PCDHGA6: variants seen among roughly 807,000 people sequenced by gnomAD.
PCDHGA6 encodes protocadherin gamma-A6.
PCDHGA6 carries 41 observed loss-of-function variants against 60.6 expected under a neutral mutation model. The observed-to-expected ratio is 0.68, with a 90% CI of 0.53 to 0.88. The LOEUF is 0.88. Ranked by LOEUF, PCDHGA6 falls within the 40% of genes least tolerant of loss-of-function variation. PCDHGA6 has a pLI of 0.00. For missense variants in PCDHGA6, 1,312 were observed against 1,203.0 expected (o/e 1.09, Z -1.34); for synonymous variants, 594 against 524.4 (o/e 1.13, Z -1.81).
intron 1 of PCDHGA6, chr5:141,427,798 T>C: frequency 6.6e-7 from 1 of 1,506,550 alleles, no homozygotes; most frequent in South Asian, 1.1e-5. Flanking sequence ...TACGTGTCCG[T>C]GAGCGCACAG....
chr5:141,506,266 T>A (rs1397052417), intron 3 of PCDHGA6, among the ~76,000 whole-genome samples: 1 of 151,862 alleles, frequency 6.6e-6, no homozygotes, highest in Non-Finnish European at 1.5e-5. Context: ...CTGGCCAACA[T>A]AGTGAAACCC....
At position 141,477,742 on chromosome 5, in the gene PCDHGA6, G is replaced by C; in HGVS notation, c.2425-17065G>C. 2 of 1,613,800 alleles carry C rather than the reference G, an allele frequency of 1.2e-6. No individual in the cohort carries two copies. Among genetic ancestry groups the C allele is most frequent in the Non-Finnish European group, 1.7e-6 (2 of 1,180,030 alleles). ...AATTAACAGCTCATATCAGCGATGG[G>C]GGCACCCCGGTCCTAGCCACCAACA... On this transcript the variant is annotated intron_variant, in intron 1 of 3. Coordinates refer to ENST00000517434, the MANE Select transcript of PCDHGA6 (RefSeq NM_018919.3). The surrounding 1 kb of genome is among the most constrained non-coding windows in gnomAD (Gnocchi z 4.9).
At chr5:141,437,047 G>C (rs2097860477) in intron 1 of PCDHGA6, among the ~76,000 whole-genome samples, 1 of 152,214 alleles carries the variant, frequency 6.6e-6, no homozygotes, top group Admixed American at 6.5e-5. Context: ...AAACCAGAAG[G>C]CTGGTGATCA....
rs367939205 is a variant in PCDHGA6 at position 141,383,529 on chromosome 5, G to A, written c.2424+7022G>A. ...GGGAGGAAGAGCGGGTTCACCACCT[G>A]GTCCTCACAGCCTCTGATGGCGGCG... On this transcript the variant is annotated intron_variant, in intron 1 of 3. Transcript: ENST00000517434. The A allele has an allele frequency of 3.0e-5, 48 of 1,612,474 alleles. No homozygotes were observed. The African/African-American group carries it at 5.7e-4, about 19-fold the overall frequency.
chr5:141,420,251 G>A lies in PCDHGA6; in HGVS notation c.2424+43744G>A, dbSNP rs778777293. ...TAGCATTTTAACTCCCAGCGTTGAA[G>A]CAGATAAGAAGATTCTTAAACAGGT... is the stretch of plus-strand genomic sequence containing the variant. On this transcript the variant is annotated intron_variant, in intron 1 of 3. Transcript: ENST00000517434. The A allele has an allele frequency of 2.9e-5, 46 of 1,578,746 alleles. No homozygotes were observed. In the South Asian group the frequency reaches 4.5e-4, roughly 15 times the overall value.
chr5:141,509,602 C>T (rs921950654), intron 3 of PCDHGA6, among the ~76,000 whole-genome samples: 8 of 152,194 alleles, frequency 5.3e-5, no homozygotes, highest in Non-Finnish European at 8.8e-5. Context: ...TTCCGAGAGG[C>T]TGCATTCTAA....
intron 1 of PCDHGA6, chr5:141,405,178 T>C (rs769150671): frequency 3.1e-6 from 5 of 1,613,890 alleles, no homozygotes; most frequent in African/African-American, 2.7e-5. Flanking sequence ...ACTTTGTGGG[T>C]GTAGATGGGG....
In PCDHGA6 at chr5:141,476,584, C is replaced by G. The variant is rs140544807; in HGVS notation, c.2425-18223C>G. ...TGGCTCCGGGGACGCGCTTTCCGCTCGAGAGCGCGCACGATCCCGATGTGG... is the reference window on the plus strand; with the variant it reads ...TGGCTCCGGGGACGCGCTTTCCGCTGGAGAGCGCGCACGATCCCGATGTGG... On this transcript the variant is annotated intron_variant, in intron 1 of 3. Coordinates refer to ENST00000517434, the MANE Select transcript of PCDHGA6 (RefSeq NM_018919.3). This position sits in a 1 kb window ranked among gnomAD's most constrained non-coding sequence, Gnocchi z 7.6. 1.2e-5 allele frequency: 19 copies of G among 1,614,100 alleles called. No homozygotes were observed. The African/African-American group carries it at 2.3e-4, about 19-fold the overall frequency.
At chr5:141,420,228 G>C (rs750839002) in intron 1 of PCDHGA6, 3 of 1,603,310 alleles carry the variant, frequency 1.9e-6, no homozygotes, top group Non-Finnish European at 2.6e-6. Flanking sequence ...CTACTGGCTA[G>C]CATTTTAACT....
chr5:141,510,984 C>G lies in PCDHGA6; in HGVS notation c.2610C>G (p.Ala870=). ...ADGSSTLGGG[A]GTMGLSARYG... ...GGAGCTCCACCCTGGGAGGGGGTGC[C>G]GGCACCATGGGATTGAGCGCCCGCT... The change falls in exon 4 of 4, where the codon GCC becomes GCG. Residue 870 remains alanine (A), a synonymous_variant. Transcript: ENST00000517434. The G allele has an allele frequency of 1.2e-6, 2 of 1,614,162 alleles. No homozygotes were observed. The highest frequency in any genetic ancestry group is 1.7e-6 in the Non-Finnish European group (2 of 1,180,012).
In PCDHGA6 at chr5:141,512,739, T is replaced by C. The variant is rs1251649814; in HGVS notation, c.*1566T>C. The stretch of plus-strand genomic sequence containing the variant: ...GGCGGGTGGGCAGCGGGCGGCGGGC[T>C]CCGCGCAGCCGTCTGTCCTTGATCT... On this transcript the variant is annotated 3_prime_UTR_variant, in exon 4 of 4. Transcript: ENST00000517434. 1 of 152,822 alleles carries C rather than the reference T, an allele frequency of 6.5e-6. No individual in the cohort carries two copies. The highest frequency in any genetic ancestry group is 2.4e-5 in the African/African-American group (1 of 41,464). 9.5% of individuals were successfully genotyped at this position (152,822 alleles called of 1,614,324 possible).
chr5:141,408,673 C>T (rs1397679515), intron 1 of PCDHGA6: 3 of 1,613,854 alleles, frequency 1.9e-6, no homozygotes, highest in Non-Finnish European at 2.5e-6. Flanking sequence ...TTGACCCTGC[C>T]ACGGATCCTG....
chr5:141,446,634 G>A (rs927873152), intron 1 of PCDHGA6, among the ~76,000 whole-genome samples: 6 of 151,928 alleles, frequency 3.9e-5, no homozygotes, highest in Admixed American at 2.6e-4. Context: ...GCACCACCAC[G>A]CCTGGCTAAT....
chr5:141,393,186 G>C, intron 1 of PCDHGA6: 2 of 1,613,306 alleles, frequency 1.2e-6, no homozygotes, highest in East Asian at 4.5e-5. Context: ...AGAAATAATT[G>C]ATATTAACGA....
At position 141,494,820 on chromosome 5, in the gene PCDHGA6, A is replaced by G; in HGVS notation, c.2438A>G (p.Asn813Ser). ...TTTTCTCCACAGCAAGCCCCGCCCA[A>G]CACGGACTGGCGTTTCTCTCAGGCC... ...EPRQLQQAPP[N>S]TDWRFSQAQR... Residue 813 changes from asparagine to serine, a missense_variant, in exon 2 of 4, where the codon AAC becomes AGC. By Grantham distance (46) the Asn-to-Ser change is conservative. Transcript: ENST00000517434. 1.2e-6 allele frequency: 2 copies of G among 1,613,988 alleles called. No individual in the cohort carries two copies. Among genetic ancestry groups the G allele is most frequent in the Middle Eastern group, 1.6e-4 (1 of 6,062 alleles).
At chr5:141,427,692 C>A in intron 1 of PCDHGA6, 1 of 903,150 alleles carries the variant, frequency 1.1e-6, no homozygotes, top group Non-Finnish European at 1.8e-6. Context: ...AGCCTCCATC[C>A]CACAAGTCAG....
At chr5:141,478,428 C>G in intron 1 of PCDHGA6, 1 of 1,613,746 alleles carries the variant, frequency 6.2e-7, no homozygotes. Flanking sequence ...CGCAGCGACC[C>G]GCTGCTGAAG....
intron 1 of PCDHGA6, among the ~76,000 whole-genome samples, chr5:141,463,539 C>T (rs1408887405): frequency 6.7e-6 from 1 of 148,606 alleles, no homozygotes; most frequent in Admixed American, 6.8e-5. Context: ...AACTCCGGCT[C>T]CCGGGTTCAT....
rs1246204844 is a variant in PCDHGA6, at chr5:141,419,493, A to T, written c.2424+42986A>T. On this transcript the variant is annotated intron_variant, in intron 1 of 3. Coordinates refer to ENST00000517434, the MANE Select transcript of PCDHGA6 (RefSeq NM_018919.3). ...CAGGGCTCGCCCGCGCTCAGCGCCA[A>T]TGTGAGCCTGCGCGTGTTGGTGGGC... 3 of 1,612,264 alleles carry T rather than the reference A, an allele frequency of 1.9e-6. No individual in the cohort carries two copies. The African/African-American group carries it at 4.0e-5, about 22-fold the overall frequency.
Sources: allele counts gnomAD v4.1 joint callset (sites outside exome capture counted in the v4.1 genomes callset), GRCh38; gene constraint gnomAD v4.1.1; non-coding constraint Gnocchi (gnomAD v3.1); transcripts MANE v1.5; gene names NCBI Gene and HGNC (gene_info 2026-07-23, HGNC 2026-07-21).